Variants in ADAM12 observed in about 807,000 individuals in gnomAD.
ADAM12 encodes the protein ADAM metallopeptidase domain 12.
A neutral mutation model predicts 106.4 loss-of-function variants in ADAM12; 70 were observed. The observed-to-expected ratio is 0.66, with a 90% CI of 0.54 to 0.80. ADAM12 has a LOEUF of 0.80. ADAM12 is among the 30% of genes least tolerant of loss of function. The pLI, the probability that ADAM12 is intolerant of heterozygous loss-of-function variation, is 0.00. For synonymous variants in ADAM12, 420 were observed against 433.5 expected, an observed-to-expected ratio of 0.97 and a Z score of 0.39; for missense variants, 1,010 against 1,171.9, an observed-to-expected ratio of 0.86 and a Z score of 2.02.
chr10:126,384,987 G>A (rs553208730), intron 1 of ADAM12, among the ~76,000 whole-genome samples: 25 of 152,316 alleles, frequency 1.6e-4, no homozygotes, highest in African/African-American at 4.6e-4. Flanking sequence ...GCTATAAGTT[G>A]GGGGTCCACA....
intron 1 of ADAM12, among the ~76,000 whole-genome samples, chr10:126,331,210 G>GTATCAC (rs1439913528): frequency 3.3e-5 from 5 of 152,172 alleles, no homozygotes; most frequent in Non-Finnish European, 5.9e-5. Flanking sequence ...TCTGGAGGGT[G>GTATCAC]TATCACTTTC....
chr10:126,374,855 C>T (rs1856225636), intron 1 of ADAM12, among the ~76,000 whole-genome samples: 1 of 152,040 alleles, frequency 6.6e-6, no homozygotes, highest in Non-Finnish European at 1.5e-5. Context: ...GCCAGAAATA[C>T]ACAAATTTAA....
rs201579507 is a variant in ADAM12, at chr10:126,103,624, T to C, written c.742-2383A>G. ...GACGCTCATGTTTGAACCCACTAGGTAACACTGCCATCTTCTGTGAGCACT... is the reference window on the plus strand; with the variant it reads ...GACGCTCATGTTTGAACCCACTAGGCAACACTGCCATCTTCTGTGAGCACT... On this transcript the variant is annotated intron_variant, in intron 8 of 22. Transcript: ENST00000448723. 9.9e-5 allele frequency among the ~76,000 whole-genome samples: 15 copies of C among 152,282 alleles called. No homozygotes were observed. The East Asian group carries it at 2.9e-3, about 29-fold the overall frequency.
chr10:126,365,823 G>A (rs900462354), intron 1 of ADAM12, among the ~76,000 whole-genome samples: 1 of 152,154 alleles, frequency 6.6e-6, no homozygotes, highest in African/African-American at 2.4e-5. Context: ...ATATCAAGGA[G>A]CACAGCGATT....
At chr10:126,262,197 A>G (rs1018970939) in intron 3 of ADAM12, among the ~76,000 whole-genome samples, 1 of 152,172 alleles carries the variant, frequency 6.6e-6, no homozygotes, top group Non-Finnish European at 1.5e-5. Flanking sequence ...TAGAGTATGT[A>G]CATATATTTA....
intron 3 of ADAM12, among the ~76,000 whole-genome samples, chr10:126,163,315 A>T (rs1263184249): frequency 6.6e-6 from 1 of 152,222 alleles, no homozygotes; most frequent in African/African-American, 2.4e-5. Context: ...TACGGTTTGG[A>T]GACACATGGT....
chr10:126,047,944 A>G (rs1954371532), intron 16 of ADAM12, among the ~76,000 whole-genome samples: 1 of 152,254 alleles, frequency 6.6e-6, no homozygotes, highest in Non-Finnish European at 1.5e-5. Flanking sequence ...CATATACACC[A>G]TGGAATACTA....
chr10:126,202,415 G>A (rs150895843), intron 3 of ADAM12, among the ~76,000 whole-genome samples: 9 of 152,124 alleles, frequency 5.9e-5, no homozygotes, highest in South Asian at 2.1e-4. Context: ...ATGACATTAC[G>A]AAGTCTGAAA....
intron 14 of ADAM12, among the ~76,000 whole-genome samples, chr10:126,059,446 T>C (rs1954704815): frequency 1.3e-5 from 2 of 152,320 alleles, no homozygotes; most frequent in South Asian, 4.1e-4. Flanking sequence ...ATGAACAAAT[T>C]TGATCATTTC....
At chr10:126,091,592 C>T (rs1565049479) in intron 11 of ADAM12, among the ~76,000 whole-genome samples, 1 of 132,222 alleles carries the variant, frequency 7.6e-6, no homozygotes, top group Non-Finnish European at 1.7e-5. Context: ...AGGCTATTAG[C>T]AAACCCCTGG....
At chr10:126,031,747 T>C (rs1434325671) in intron 21 of ADAM12, among the ~76,000 whole-genome samples, 3 of 152,192 alleles carry the variant, frequency 2.0e-5, no homozygotes, top group African/African-American at 7.2e-5. Context: ...TACAGACAGA[T>C]AAAAGTTGTT....
intron 2 of ADAM12, among the ~76,000 whole-genome samples, chr10:126,300,289 T>C (rs962768818): frequency 3.3e-5 from 5 of 152,172 alleles, no homozygotes; most frequent in African/African-American, 1.2e-4. Context: ...TCCACCTGCC[T>C]GATCCCATCC....
chr10:126,057,091 C>T (rs1223859103), intron 14 of ADAM12, among the ~76,000 whole-genome samples: 1 of 31,208 alleles, frequency 3.2e-5, no homozygotes, highest in Non-Finnish European at 6.4e-5. Context: ...GTTCCTATTT[C>T]TCCACATCCT....
intron 1 of ADAM12, among the ~76,000 whole-genome samples, chr10:126,333,520 C>T: frequency 6.6e-6 from 1 of 152,184 alleles, no homozygotes; most frequent in Non-Finnish European, 1.5e-5. Flanking sequence ...GAACTGTTTG[C>T]AGGTGCTCCT....
In ADAM12 at chr10:126,049,724, C is replaced by A; in HGVS notation, c.1610-55G>T. 2 of 1,362,670 alleles carry A rather than the reference C, an allele frequency of 1.5e-6. No homozygotes were observed. 84.4% of individuals were successfully genotyped at this position (1,362,670 alleles called of 1,614,324 possible). On this transcript the variant is annotated intron_variant, in intron 14 of 22. Transcript: ENST00000448723. The surrounding 1 kb of genome is among the most constrained non-coding windows in gnomAD (Gnocchi z 4.4). ...CTCCTGCAGGTGATTTTTTTTTTTTCATGGCTGTAGGCCTCTCAAATGGTT... is the reference window on the plus strand; with the variant it reads ...CTCCTGCAGGTGATTTTTTTTTTTTAATGGCTGTAGGCCTCTCAAATGGTT...
At chr10:126,072,357 G>T (rs757011624) in intron 11 of ADAM12, among the ~76,000 whole-genome samples, 2 of 152,190 alleles carry the variant, frequency 1.3e-5, no homozygotes, top group African/African-American at 2.4e-5. Context: ...TAGAAGGGCT[G>T]CCCAGCCCCC....
intron 1 of ADAM12, among the ~76,000 whole-genome samples, chr10:126,343,738 G>A (rs1299658224): frequency 6.6e-6 from 1 of 152,162 alleles, no homozygotes; most frequent in Non-Finnish European, 1.5e-5. Context: ...GTGTGAAATG[G>A]TATCTCATTG....
In ADAM12 at chr10:126,036,147, T is replaced by C; in HGVS notation, c.2528A>G (p.Gln843Arg). 6.8e-7 allele frequency: 1 copy of C among 1,460,428 alleles called. No homozygotes were observed. Among genetic ancestry groups the C allele is most frequent in the Non-Finnish European group, 9.0e-7 (1 of 1,108,576 alleles). The allele number at this position is 1,460,428 out of a possible 1,614,324, so 90.5% of individuals were successfully genotyped here. A position where few individuals can be genotyped will look rare whatever the true frequency, so the allele number is the denominator to read the frequency against. Residue 843 changes from glutamine (Q) to arginine (R), a missense_variant and splice_region_variant, in exon 21 of 23, where the codon CAG (glutamine) becomes CGG (arginine). Physicochemically the swap from Gln to Arg is conservative, Grantham distance 43. Transcript: ENST00000448723. ...ATCATATTAGTACTGAAAGCATACC[T>C]GGGCCTGCCTAAGTGCAGGCTTGGC... ...LPAKPALRQA[Q>R]GTCKPNPPQK...
At chr10:126,179,288 CTG>C (rs1350188214) in intron 3 of ADAM12, among the ~76,000 whole-genome samples, 3 of 152,206 alleles carry the variant, frequency 2.0e-5, no homozygotes, top group Non-Finnish European at 4.4e-5. Context: ...CTGCAGGTAA[CTG>C]TGCTTTCAGT....
Sources: allele counts gnomAD v4.1 joint callset (sites outside exome capture counted in the v4.1 genomes callset), GRCh38; gene constraint gnomAD v4.1.1; non-coding constraint Gnocchi (gnomAD v3.1); transcripts MANE v1.5; gene names NCBI Gene and HGNC (gene_info 2026-07-23, HGNC 2026-07-21).